Variants in TBCEL observed in about 807,000 individuals in gnomAD.
TBCEL encodes the protein tubulin folding cofactor E like.
TBCEL carries 15 observed loss-of-function variants against 44.2 expected under a neutral mutation model. The ratio of observed to expected loss-of-function variants is 0.34; its 90% CI spans 0.23 to 0.52. The LOEUF (loss-of-function observed/expected upper bound fraction) is 0.52, where lower values mean the gene tolerates loss of function less well. Among genes scored for constraint, TBCEL ranks in the 20% least tolerant of loss-of-function variants. TBCEL has a pLI of 0.95. For missense variants in TBCEL, 319 were observed against 506.3 expected (o/e 0.63, Z 3.55); for synonymous variants, 171 against 185.4 (o/e 0.92, Z 0.63).
intron 2 of TBCEL, among the ~76,000 whole-genome samples, chr11:121,037,584 T>C (rs1188630272): frequency 6.6e-6 from 1 of 152,238 alleles, no homozygotes; most frequent in Non-Finnish European, 1.5e-5. Context: ...TGGAATACTT[T>C]ATAAACCTTA....
chr11:121,038,861 T>G (rs908230954), intron 2 of TBCEL, among the ~76,000 whole-genome samples: 1 of 152,224 alleles, frequency 6.6e-6, no homozygotes, highest in African/African-American at 2.4e-5. Flanking sequence ...TACTCTTTTC[T>G]CGGCTTATTT....
intron 1 of TBCEL, among the ~76,000 whole-genome samples, chr11:121,025,094 G>T (rs535525234): frequency 1.1e-4 from 17 of 152,332 alleles, no homozygotes; most frequent in African/African-American, 3.9e-4. Flanking sequence ...GAGGAAAGTT[G>T]GTTGGAAGTG....
At chr11:121,058,586 T>A in intron 7 of TBCEL, 115 bp downstream of exon 7, 1 of 1,365,174 alleles carries the variant, frequency 7.3e-7, no homozygotes, top group Non-Finnish European at 1.0e-6. Flanking sequence ...TTGAGCAGAC[T>A]GTGCTTGAGG....
chr11:121,058,517 G>T lies in TBCEL; in HGVS notation c.839+46G>T, dbSNP rs983086645. On this transcript the variant is annotated intron_variant, in intron 7 of 8. Transcript: ENST00000683345. Reference sequence around the variant, plus strand: ...TGCTTTATTTTTGTGAGGCCTTATTGTTTCATTAAAGGAATAATGCACTGT... The same window carrying T: ...TGCTTTATTTTTGTGAGGCCTTATTTTTTCATTAAAGGAATAATGCACTGT... 42 of 1,603,784 alleles carry T rather than the reference G, an allele frequency of 2.6e-5. No individual in the cohort carries two copies. In the Admixed American group the frequency reaches 7.1e-4, roughly 27 times the overall value.
At chr11:121,060,318 G>A (rs564976564) in intron 8 of TBCEL, among the ~76,000 whole-genome samples, 1 of 152,054 alleles carries the variant, frequency 6.6e-6, no homozygotes, top group South Asian at 2.1e-4. Context: ...GATTGGGTAA[G>A]TATTTGACAA....
intron 1 of TBCEL, among the ~76,000 whole-genome samples, chr11:121,027,103 G>A (rs916956858): frequency 1.3e-5 from 2 of 152,060 alleles, no homozygotes; most frequent in Admixed American, 6.5e-5. Flanking sequence ...TGGCTACTTA[G>A]AGACCAGTTT....
intron 1 of TBCEL, among the ~76,000 whole-genome samples, chr11:121,025,572 C>G (rs1004087447): frequency 2.0e-5 from 3 of 152,088 alleles, no homozygotes; most frequent in African/African-American, 7.2e-5. Flanking sequence ...AAAAAAAATG[C>G]TGGCTGACAT....
chr11:121,041,050 T>C (rs1170165770), intron 2 of TBCEL, among the ~76,000 whole-genome samples: 1 of 152,210 alleles, frequency 6.6e-6, no homozygotes, highest in East Asian at 1.9e-4. Flanking sequence ...AGGCTGGCAG[T>C]GTTCATACTT....
chr11:121,048,572 C>A (rs1945474244), intron 4 of TBCEL, among the ~76,000 whole-genome samples: 1 of 151,836 alleles, frequency 6.6e-6, no homozygotes, highest in Non-Finnish European at 1.5e-5. Context: ...AATGGGTTTT[C>A]CTGGATCCAG....
chr11:121,077,672 C>T (rs921970121), intron 8 of TBCEL, among the ~76,000 whole-genome samples: 2 of 151,746 alleles, frequency 1.3e-5, no homozygotes, highest in African/African-American at 2.4e-5. Context: ...TTAATTTGCT[C>T]ATCTTTTTAT....
intron 4 of TBCEL, among the ~76,000 whole-genome samples, chr11:121,049,670 C>T (rs936794859): frequency 6.6e-6 from 1 of 151,816 alleles, no homozygotes; most frequent in East Asian, 1.9e-4. Flanking sequence ...GCTTTATCTG[C>T]ACTTCAAATT....
chr11:121,053,233 T>C (rs1008744302), intron 4 of TBCEL, among the ~76,000 whole-genome samples: 3 of 151,932 alleles, frequency 2.0e-5, no homozygotes, highest in Non-Finnish European at 2.9e-5. Flanking sequence ...CTGTCTTTTC[T>C]CCACTTATCA....
intron 4 of TBCEL, among the ~76,000 whole-genome samples, chr11:121,053,288 G>A (rs372564728): frequency 4.7e-4 from 72 of 151,972 alleles, no homozygotes; most frequent in African/African-American, 1.7e-3. Context: ...TTCTAAAGGC[G>A]ACATAGGAAA....
At chr11:121,025,728 T>TG (rs1404847888) in intron 1 of TBCEL, among the ~76,000 whole-genome samples, 4 of 151,864 alleles carry the variant, frequency 2.6e-5, no homozygotes. Flanking sequence ...TTTTTTTTTT[T>TG]TTATTTTATT....
intron 8 of TBCEL, among the ~76,000 whole-genome samples, chr11:121,063,965 A>G (rs1427683660): frequency 1.3e-5 from 2 of 152,186 alleles, no homozygotes; most frequent in South Asian, 2.1e-4. Context: ...CCCCTCTTGT[A>G]TTTCTCCTTG....
chr11:121,046,541 CTA>C (rs1324684845), intron 3 of TBCEL, among the ~76,000 whole-genome samples: 1 of 151,772 alleles, frequency 6.6e-6, no homozygotes, highest in Non-Finnish European at 1.5e-5. Context: ...AATTTTATCT[CTA>C]TGTAACCTGG....
chr11:121,053,752 G>C lies in TBCEL; in HGVS notation c.455+20G>C, dbSNP rs1945569705. The C allele has an allele frequency of 6.2e-7, 1 of 1,609,268 alleles. No homozygotes were observed. Reference sequence around the variant, plus strand: ...ACCAGAGTAAGCCCAGAGAGCATGAGGGCGAGGGAGTTATGTTGCCATCTG... The same window carrying C: ...ACCAGAGTAAGCCCAGAGAGCATGACGGCGAGGGAGTTATGTTGCCATCTG... On this transcript the variant is annotated intron_variant, in intron 5 of 8. Coordinates refer to ENST00000683345, the MANE Select transcript of TBCEL (RefSeq NM_001363644.2).
At chr11:121,081,870 CTCTT>C (rs1327899864) in intron 8 of TBCEL, among the ~76,000 whole-genome samples, 1 of 152,100 alleles carries the variant, frequency 6.6e-6, no homozygotes, top group Non-Finnish European at 1.5e-5. Context: ...AACTCTAGTA[CTCTT>C]TCTTCTTTTG....
At chr11:121,061,696 A>G (rs1225480532) in intron 8 of TBCEL, among the ~76,000 whole-genome samples, 1 of 152,112 alleles carries the variant, frequency 6.6e-6, no homozygotes, top group Non-Finnish European at 1.5e-5. Flanking sequence ...GACATGGTAT[A>G]AAAGATAAAA....
Sources: gnomAD v4.1 joint callset for allele counts (sites outside exome capture counted in the v4.1 genomes callset) on GRCh38, gnomAD v4.1.1 for gene constraint, MANE v1.5 for transcripts, NCBI Gene and HGNC (gene_info 2026-07-23, HGNC 2026-07-21) for gene names.